The following REEP3 variants were observed in gnomAD, a reference collection of about 807,000 sequenced individuals.
REEP3 encodes the protein receptor expression-enhancing protein 3.
REEP3 carries 20 observed loss-of-function variants against 41.3 expected under a neutral mutation model. The observed-to-expected ratio is 0.48, with a 90% CI of 0.34 to 0.70. The LOEUF (loss-of-function observed/expected upper bound fraction) is 0.70, where lower values mean the gene tolerates loss of function less well. REEP3 is among the 30% of genes least tolerant of loss of function. The pLI is 0.01. For missense variants in REEP3, 271 were observed against 308.8 expected (o/e 0.88, Z 0.92); for synonymous variants, 104 against 101.8 (o/e 1.02, Z -0.13).
chr10:63,522,721 A>G (rs1189029677), intron 1 of REEP3, among the ~76,000 whole-genome samples: 2 of 152,236 alleles, frequency 1.3e-5, no homozygotes, highest in African/African-American at 4.8e-5. Flanking sequence ...GTGAATTACT[A>G]GCCCTATTTA....
At chr10:63,547,478 A>C (rs1053838140) in intron 1 of REEP3, among the ~76,000 whole-genome samples, 2 of 152,218 alleles carry the variant, frequency 1.3e-5, no homozygotes, top group East Asian at 3.9e-4. Flanking sequence ...GGTGGGGTGC[A>C]TGCAAGTAGC....
At chr10:63,580,246 C>G (rs1253435816) in intron 2 of REEP3, among the ~76,000 whole-genome samples, 1 of 152,072 alleles carries the variant, frequency 6.6e-6, no homozygotes. Context: ...AGCTATCCTC[C>G]AACTTCAGCC....
At chr10:63,521,655 A>AG in intron 1 of REEP3, 78 bp downstream of exon 1, 1 of 1,125,374 alleles carries the variant, frequency 8.9e-7, no homozygotes, top group Non-Finnish European at 1.2e-6. Context: ...CCGAGAGGAA[A>AG]GGGAAGGCCT....
intron 1 of REEP3, among the ~76,000 whole-genome samples, chr10:63,528,391 G>A (rs1020725906): frequency 7.2e-5 from 11 of 152,160 alleles, no homozygotes; most frequent in African/African-American, 2.7e-4. Flanking sequence ...CATTGAATCC[G>A]CAAATCTTGT....
intron 5 of REEP3, among the ~76,000 whole-genome samples, chr10:63,609,477 T>C (rs997839516): frequency 6.7e-6 from 1 of 149,906 alleles, no homozygotes; most frequent in Non-Finnish European, 1.5e-5. Context: ...AAGTTGCCCT[T>C]GGCCGGGCTT....
chr10:63,589,055 G>T (rs1956033382), intron 2 of REEP3, among the ~76,000 whole-genome samples: 1 of 152,098 alleles, frequency 6.6e-6, no homozygotes, highest in Non-Finnish European at 1.5e-5. Flanking sequence ...AGATACACAG[G>T]GCTTTCCAGG....
chr10:63,554,827 A>G (rs1392136161), intron 1 of REEP3, among the ~76,000 whole-genome samples: 1 of 152,106 alleles, frequency 6.6e-6, no homozygotes, highest in Non-Finnish European at 1.5e-5. Flanking sequence ...GAGTGCTTCA[A>G]GGGTTTGTAG....
intron 2 of REEP3, among the ~76,000 whole-genome samples, chr10:63,572,925 A>T (rs1437460566): frequency 1.3e-5 from 2 of 152,236 alleles, no homozygotes; most frequent in Non-Finnish European, 2.9e-5. Flanking sequence ...GGATTGATCT[A>T]GTTTACCAGC....
At chr10:63,538,113 A>G (rs1030288840) in intron 1 of REEP3, among the ~76,000 whole-genome samples, 2 of 152,192 alleles carry the variant, frequency 1.3e-5, no homozygotes, top group African/African-American at 4.8e-5. Context: ...GACAGGCCTA[A>G]GAGATAGTGT....
chr10:63,555,708 C>T (rs920778424), intron 1 of REEP3, among the ~76,000 whole-genome samples: 2 of 152,202 alleles, frequency 1.3e-5, no homozygotes, highest in Non-Finnish European at 2.9e-5. Flanking sequence ...AACCAACGTA[C>T]TGTACTGACA....
intron 2 of REEP3, among the ~76,000 whole-genome samples, chr10:63,570,957 A>C (rs914927231): frequency 6.6e-6 from 1 of 152,172 alleles, no homozygotes; most frequent in Non-Finnish European, 1.5e-5. Flanking sequence ...TCTACAAAAA[A>C]CACAAAAATT....
chr10:63,599,735 G>A (rs1029919771), intron 5 of REEP3: 7 of 973,522 alleles, frequency 7.2e-6, no homozygotes, highest in Non-Finnish European at 8.5e-6. Context: ...TCAAAATAAG[G>A]CATGAAAAAG....
chr10:63,569,422 T>A (rs1032514894), intron 2 of REEP3, among the ~76,000 whole-genome samples: 5 of 151,574 alleles, frequency 3.3e-5, no homozygotes, highest in Non-Finnish European at 5.9e-5. Context: ...TGTGTGTGTG[T>A]GCATTGTATA....
chr10:63,584,351 G>A (rs1955983369), intron 2 of REEP3, among the ~76,000 whole-genome samples: 1 of 151,110 alleles, frequency 6.6e-6, no homozygotes, highest in African/African-American at 2.4e-5. Context: ...GGGCATGGGG[G>A]GAGAAGTACC....
chr10:63,565,645 G>A (rs1955791076), intron 1 of REEP3, among the ~76,000 whole-genome samples: 1 of 152,088 alleles, frequency 6.6e-6, no homozygotes. Flanking sequence ...TATGTCTTAG[G>A]TATACTACAC....
At chr10:63,540,995 T>C (rs549625103) in intron 1 of REEP3, among the ~76,000 whole-genome samples, 1 of 152,356 alleles carries the variant, frequency 6.6e-6, no homozygotes, top group South Asian at 2.1e-4. Context: ...AATGTTATCA[T>C]TGATTATTTC....
chr10:63,603,979 C>G (rs540671319), intron 5 of REEP3, among the ~76,000 whole-genome samples: 2 of 152,224 alleles, frequency 1.3e-5, no homozygotes, highest in South Asian at 2.1e-4. Flanking sequence ...GGAGAAGCTG[C>G]AAGAAAGCCA....
At chr10:63,606,041 C>A in intron 5 of REEP3, 1 of 634,432 alleles carries the variant, frequency 1.6e-6, no homozygotes, top group Non-Finnish European at 2.0e-6. Context: ...GTAAAATATT[C>A]TACAGAATAC....
intron 1 of REEP3, among the ~76,000 whole-genome samples, chr10:63,536,208 G>A (rs1014102612): frequency 6.6e-6 from 1 of 152,242 alleles, no homozygotes; most frequent in South Asian, 2.1e-4. Flanking sequence ...GTTGAGCTCC[G>A]GACATAGACC....
Sources: gnomAD v4.1 joint callset for allele counts (sites outside exome capture counted in the v4.1 genomes callset) on GRCh38, gnomAD v4.1.1 for gene constraint, MANE v1.5 for transcripts, NCBI Gene and HGNC (gene_info 2026-07-23, HGNC 2026-07-21) for gene names.